Variants in TRPM3 observed in about 807,000 individuals in gnomAD.
The protein encoded by TRPM3 is long transient receptor potential channel 3.
TRPM3 carries 77 observed loss-of-function variants against 181.2 expected under a neutral mutation model. The observed-to-expected ratio is 0.42, with a 90% CI of 0.35 to 0.51. TRPM3 has a LOEUF of 0.51. TRPM3 is among the 20% of genes least tolerant of loss of function. TRPM3 has a pLI of 0.01. For synonymous variants in TRPM3, 745 were observed against 796.4 expected, an observed-to-expected ratio of 0.94 and a Z score of 1.09; for missense variants, 1,759 against 2,196.7, an observed-to-expected ratio of 0.80 and a Z score of 3.98.
intron 1 of TRPM3, among the ~76,000 whole-genome samples, chr9:71,116,883 G>C (rs1218098794): frequency 6.6e-6 from 1 of 152,124 alleles, no homozygotes; most frequent in Non-Finnish European, 1.5e-5. Flanking sequence ...ACTCCATGGG[G>C]CTCATCCTCA....
chr9:71,198,071 G>C (rs1217690357), intron 1 of TRPM3, among the ~76,000 whole-genome samples: 1 of 148,468 alleles, frequency 6.7e-6, no homozygotes, highest in Non-Finnish European at 1.5e-5. Flanking sequence ...AAGGGATCCA[G>C]TTTCAGCTTT....
At chr9:71,384,372 T>A (rs1046175910) in intron 1 of TRPM3, among the ~76,000 whole-genome samples, 10 of 152,224 alleles carry the variant, frequency 6.6e-5, no homozygotes, top group African/African-American at 2.2e-4. Flanking sequence ...TTTAACTATA[T>A]GTTTTCCACA....
intron 25 of TRPM3, among the ~76,000 whole-genome samples, chr9:70,537,824 G>A (rs1325296296): frequency 6.6e-6 from 1 of 152,058 alleles, no homozygotes; most frequent in Non-Finnish European, 1.5e-5. Context: ...TGGCTTCTCA[G>A]GGTCCCCCAC....
intron 1 of TRPM3, chr9:71,446,537 A>C: frequency 1.8e-6 from 2 of 1,088,078 alleles, no homozygotes; most frequent in Middle Eastern, 2.2e-4. Flanking sequence ...AAGCGGCGCC[A>C]CAAGTTCCCT....
At chr9:71,183,252 T>G (rs1317604712) in intron 1 of TRPM3, among the ~76,000 whole-genome samples, 1 of 152,122 alleles carries the variant, frequency 6.6e-6, no homozygotes, top group Non-Finnish European at 1.5e-5. Flanking sequence ...GCCATGGCAT[T>G]TACTGTGCAT....
intron 8 of TRPM3, among the ~76,000 whole-genome samples, chr9:70,684,616 C>T (rs577487501): frequency 6.6e-6 from 1 of 151,982 alleles, no homozygotes; most frequent in East Asian, 1.9e-4. Context: ...CAAAGAAAAA[C>T]TAAGGCCTTC....
chr9:71,091,102 G>A lies in TRPM3; in HGVS notation c.177+30076C>T, dbSNP rs535883714. Among the ~76,000 whole-genome samples the A allele has an allele frequency of 4.6e-5, 7 of 152,130 alleles. No individual in the cohort carries two copies. The South Asian group carries it at 1.5e-3, about 32-fold the overall frequency. On this transcript the variant is annotated intron_variant, in intron 1 of 25. Transcript: ENST00000677713. ...AGGAGCATTACTACCTTTGGACTTTGGCTTGATAAGGAACAACTTGAGATC... is the reference window on the plus strand; with the variant it reads ...AGGAGCATTACTACCTTTGGACTTTAGCTTGATAAGGAACAACTTGAGATC...
At chr9:70,670,303 A>G (rs1326099780) in intron 9 of TRPM3, among the ~76,000 whole-genome samples, 1 of 152,240 alleles carries the variant, frequency 6.6e-6, no homozygotes, top group East Asian at 1.9e-4. Flanking sequence ...CAGGGTTGTG[A>G]AAATTAATGA....
intron 9 of TRPM3, among the ~76,000 whole-genome samples, chr9:70,660,923 A>T (rs556844084): frequency 2.2e-4 from 33 of 152,238 alleles, no homozygotes; most frequent in African/African-American, 7.9e-4. Context: ...AATCTTCCCT[A>T]CATCATTCGA....
chr9:71,250,049 A>G (rs1588133399), intron 1 of TRPM3, among the ~76,000 whole-genome samples: 1 of 152,208 alleles, frequency 6.6e-6, no homozygotes, highest in East Asian at 1.9e-4. Context: ...ATTGACATTA[A>G]GAGAATACAC....
chr9:70,539,395 C>T (rs550289152), intron 25 of TRPM3, among the ~76,000 whole-genome samples: 2 of 152,118 alleles, frequency 1.3e-5, no homozygotes, highest in Non-Finnish European at 2.9e-5. Context: ...GGACCCCCCA[C>T]CCCGACTCTG....
intron 1 of TRPM3, among the ~76,000 whole-genome samples, chr9:70,970,887 A>T (rs1177960494): frequency 2.0e-5 from 3 of 152,202 alleles, no homozygotes; most frequent in Admixed American, 6.5e-5. Flanking sequence ...TTCATTTGAA[A>T]GATACAGGTC....
At position 70,788,304 on chromosome 9, in the gene TRPM3, C is replaced by G. The variant is rs149203795; in HGVS notation, c.974-4025G>C. Among the ~76,000 whole-genome samples, 116 of 151,694 alleles carry G rather than the reference C, an allele frequency of 7.6e-4. No individual in the cohort carries two copies. The East Asian group carries it at 0.019, about 25-fold the overall frequency. ...GCCTATGAATACTTTGTTAATGGAC[C>G]CTTGCAAAACCCCACCCTAAATTAA... On this transcript the variant is annotated intron_variant, in intron 6 of 25. Transcript: ENST00000677713.
At chr9:71,179,703 G>A (rs1293041686) in intron 1 of TRPM3, among the ~76,000 whole-genome samples, 2 of 152,102 alleles carry the variant, frequency 1.3e-5, no homozygotes, top group Non-Finnish European at 2.9e-5. Context: ...TTTGTAGGGG[G>A]CCAGCAGTGC....
At chr9:71,398,272 G>C (rs2093248511) in intron 1 of TRPM3, among the ~76,000 whole-genome samples, 1 of 152,198 alleles carries the variant, frequency 6.6e-6, no homozygotes, top group Admixed American at 6.5e-5. Context: ...CTGCATATTT[G>C]AGTAAGTAAC....
At chr9:71,147,291 T>C (rs1445582438) in intron 1 of TRPM3, among the ~76,000 whole-genome samples, 1 of 152,106 alleles carries the variant, frequency 6.6e-6, no homozygotes, top group Non-Finnish European at 1.5e-5. Context: ...TAAAATACTG[T>C]CTTATGTAGA....
intron 1 of TRPM3, among the ~76,000 whole-genome samples, chr9:71,039,203 C>T (rs12003135): frequency 0.032 from 4,840 of 152,148 alleles, 265 homozygotes; most frequent in African/African-American, 0.11. Context: ...GGAACTGAAC[C>T]TTCCCTCTGA....
At chr9:71,111,152 T>G (rs1301696617) in intron 1 of TRPM3, among the ~76,000 whole-genome samples, 1 of 152,224 alleles carries the variant, frequency 6.6e-6, no homozygotes, top group Non-Finnish European at 1.5e-5. Context: ...AAGAGATGAT[T>G]GACAATAAGA....
chr9:70,641,386 A>G (rs1299785017), intron 9 of TRPM3, among the ~76,000 whole-genome samples: 2 of 152,168 alleles, frequency 1.3e-5, no homozygotes, highest in Non-Finnish European at 2.9e-5. Flanking sequence ...CTTGAATAGT[A>G]TTTTGCATGG....
Sources: gnomAD v4.1 joint callset for allele counts (sites outside exome capture counted in the v4.1 genomes callset) on GRCh38, gnomAD v4.1.1 for gene constraint, MANE v1.5 for transcripts, NCBI Gene and HGNC (gene_info 2026-07-23, HGNC 2026-07-21) for gene names.